HERC3: variants seen among roughly 807,000 people sequenced by gnomAD.
The protein encoded by HERC3 is HECT and RLD domain containing E3 ubiquitin protein ligase 3.
Under a neutral mutation model 129.9 loss-of-function variants are expected in HERC3, and 58 were observed. The ratio of observed to expected loss-of-function variants is 0.45; its 90% CI spans 0.36 to 0.56. HERC3 has a LOEUF of 0.56. Ranked by LOEUF, HERC3 falls within the 20% of genes least tolerant of loss-of-function variation. The probability of loss-of-function intolerance (pLI) is 0.00; values close to 1 mark genes in which losing one functional copy is unlikely to be tolerated. For missense variants in HERC3, 835 were observed against 1,244.2 expected (o/e 0.67, Z 4.95); for synonymous variants, 430 against 451.0 (o/e 0.95, Z 0.59).
At chr4:88,657,560 A>G (rs1730046598) in intron 9 of HERC3, 2 of 152,222 alleles carry the variant, frequency 1.3e-5, no homozygotes, top group African/African-American at 4.8e-5. Context: ...CAAAACCACA[A>G]ATTTTTGAAG....
At chr4:88,555,672 G>T in the HERC3 span, among the ~76,000 whole-genome samples, 7 of 152,188 alleles carry the variant, frequency 4.6e-5, no homozygotes, top group Admixed American at 3.3e-4. Flanking sequence ...TGGATATGAA[G>T]AATTTTTATC....
chr4:88,619,761 A>C (rs1448006632), intron 3 of HERC3, among the ~76,000 whole-genome samples: 1 of 152,236 alleles, frequency 6.6e-6, no homozygotes, highest in Non-Finnish European at 1.5e-5. Flanking sequence ...ATTTGATAAG[A>C]AAAAGATAAG....
At chr4:88,550,724 G>C in the HERC3 span, among the ~76,000 whole-genome samples, 13 of 149,468 alleles carry the variant, frequency 8.7e-5, no homozygotes, top group East Asian at 7.9e-4. Flanking sequence ...GTAATTTATA[G>C]ATTCAATGCC....
In HERC3 at chr4:88,639,887, GA is replaced by G. The variant is rs369103235; in HGVS notation, c.227-9943del. Among the ~76,000 whole-genome samples the G allele has an allele frequency of 7.7e-3, 1,127 of 147,174 alleles. 13 individuals are homozygous for G. Among genetic ancestry groups the G allele is most frequent in the African/African-American group, 0.025 (1,003 of 40,332 alleles). ...ACAAGGAACTTAAACAAATTTACAA[GA>G]AAAAAAAAACCCCTTCATAAAGTGG... On this transcript the variant is annotated intron_variant, in intron 3 of 25. Coordinates refer to ENST00000402738, the MANE Select transcript of HERC3 (RefSeq NM_014606.3).
At chr4:88,669,789 C>A in intron 14 of HERC3, 71 bp from the exon 15 acceptor site, 1 of 1,320,188 alleles carries the variant, frequency 7.6e-7, no homozygotes, top group Non-Finnish European at 1.1e-6. Flanking sequence ...CAATTTTTAA[C>A]TGGCAGGCAG....
intron 3 of HERC3, among the ~76,000 whole-genome samples, chr4:88,606,889 G>GT: frequency 6.6e-6 from 1 of 152,152 alleles, no homozygotes; most frequent in African/African-American, 2.4e-5. Flanking sequence ...AAATATGACA[G>GT]TTTTTTGAAT....
intron 5 of HERC3, among the ~76,000 whole-genome samples, chr4:88,652,663 G>A (rs1729419131): frequency 6.6e-6 from 1 of 152,164 alleles, no homozygotes; most frequent in Non-Finnish European, 1.5e-5. Flanking sequence ...AGCCTTTGAA[G>A]GGCAGTAAGA....
chr4:88,532,354 C>G, the HERC3 span, among the ~76,000 whole-genome samples: 4 of 152,184 alleles, frequency 2.6e-5, no homozygotes, highest in East Asian at 7.7e-4. Flanking sequence ...CGGGAGCCAA[C>G]AGTGTAGGTC....
intron 4 of HERC3, among the ~76,000 whole-genome samples, chr4:88,651,491 T>C (rs1578244013): frequency 6.6e-6 from 1 of 152,280 alleles, no homozygotes; most frequent in East Asian, 1.9e-4. Context: ...AAAAATTACT[T>C]ACTATGTACC....
chr4:88,676,044 G>A (rs1732129295), intron 16 of HERC3, among the ~76,000 whole-genome samples, 174 bp from the exon 17 acceptor site: 1 of 152,118 alleles, frequency 6.6e-6, no homozygotes, highest in Non-Finnish European at 1.5e-5. Context: ...TTCTCATTCT[G>A]TGGCCATCAA....
At chr4:88,688,326 C>T (rs376714191) in intron 23 of HERC3, among the ~76,000 whole-genome samples, 13 of 152,062 alleles carry the variant, frequency 8.5e-5, no homozygotes, top group African/African-American at 3.1e-4. Flanking sequence ...CCTTGAACGG[C>T]GCTTGGAGTA....
the HERC3 span, among the ~76,000 whole-genome samples, chr4:88,585,110 C>T: frequency 3.3e-5 from 5 of 152,198 alleles, no homozygotes; most frequent in Non-Finnish European, 5.9e-5. Flanking sequence ...TGTGTCCTCA[C>T]ATGGTGGAAG....
chr4:88,654,349 CATATATATATATATATATATAT>C (rs869126362), intron 7 of HERC3, among the ~76,000 whole-genome samples: 39 of 70,950 alleles, frequency 5.5e-4, no homozygotes, highest in Middle Eastern at 0.016. Context: ...GTAGATTTTT[CATATATATATATATATATATAT>C]ATATATATAT....
chr4:88,683,079 A>G (rs1732986190), intron 21 of HERC3, among the ~76,000 whole-genome samples: 1 of 152,230 alleles, frequency 6.6e-6, no homozygotes. Context: ...GCCAGTGATG[A>G]TGAGCATTTT....
intron 2 of HERC3, among the ~76,000 whole-genome samples, chr4:88,603,954 A>G (rs1437533259): frequency 2.0e-5 from 3 of 152,236 alleles, no homozygotes; most frequent in African/African-American, 7.2e-5. Context: ...GACATGTAGC[A>G]AGAGAAAGGA....
intron 23 of HERC3, among the ~76,000 whole-genome samples, chr4:88,692,005 CAT>C (rs1193137819): frequency 6.6e-6 from 1 of 152,178 alleles, no homozygotes; most frequent in Non-Finnish European, 1.5e-5. Flanking sequence ...TATTCCATTT[CAT>C]TTGGTTTTAA....
chr4:88,558,779 T>A, the HERC3 span, among the ~76,000 whole-genome samples: 2 of 151,054 alleles, frequency 1.3e-5, no homozygotes, highest in African/African-American at 2.4e-5. Flanking sequence ...CTGGCTAACA[T>A]GGTGAAACCC....
the HERC3 span, among the ~76,000 whole-genome samples, chr4:88,558,108 T>G: frequency 7.9e-6 from 1 of 125,856 alleles, no homozygotes; most frequent in Non-Finnish European, 1.8e-5. Context: ...AAAAAAGAAC[T>G]AAAAGTAGAA....
intron 3 of HERC3, among the ~76,000 whole-genome samples, chr4:88,640,731 A>G (rs1346862014): frequency 2.0e-5 from 3 of 152,200 alleles, no homozygotes; most frequent in African/African-American, 4.8e-5. Context: ...AACTTAAAGG[A>G]GAAAAAATAA....
Sources: gnomAD v4.1 joint callset for allele counts (sites outside exome capture counted in the v4.1 genomes callset) on GRCh38, gnomAD v4.1.1 for gene constraint, MANE v1.5 for transcripts, NCBI Gene and HGNC (gene_info 2026-07-23, HGNC 2026-07-21) for gene names.